B3GALT1: variants seen among roughly 807,000 people sequenced by gnomAD.
B3GALT1 encodes the protein beta-1,3-galactosyltransferase 1.
A neutral mutation model predicts 23.2 loss-of-function variants in B3GALT1; 10 were observed. That is an observed-to-expected ratio of 0.43 (90% confidence interval 0.27 to 0.73). The LOEUF is 0.73. B3GALT1 is among the 30% of genes least tolerant of loss of function. The probability of loss-of-function intolerance (pLI) is 0.21; values close to 1 mark genes in which losing one functional copy is unlikely to be tolerated. For synonymous variants in B3GALT1, 156 were observed against 141.5 expected, an observed-to-expected ratio of 1.10 and a Z score of -0.73; for missense variants, 299 against 405.4, an observed-to-expected ratio of 0.74 and a Z score of 2.25.
intron 3 of B3GALT1, among the ~76,000 whole-genome samples, chr2:167,671,396 A>G (rs1252623519): frequency 6.6e-6 from 1 of 152,206 alleles, no homozygotes; most frequent in Non-Finnish European, 1.5e-5. Flanking sequence ...TCTCCTGTTT[A>G]GATCATATGT....
At chr2:167,548,691 T>TGTGTGTGTGTGTGTGTGAGA (rs1553466254) in intron 2 of B3GALT1, among the ~76,000 whole-genome samples, 6 of 134,698 alleles carry the variant, frequency 4.5e-5, no homozygotes, top group African/African-American at 2.2e-4. Flanking sequence ...TGTGAGTGTG[T>TGTGTGTGTGTGTGTGTGAGA]GTGTGTGTGT....
At chr2:167,799,083 T>C (rs765196877) in intron 3 of B3GALT1, among the ~76,000 whole-genome samples, 5 of 152,214 alleles carry the variant, frequency 3.3e-5, no homozygotes, top group African/African-American at 4.8e-5. Flanking sequence ...GTGATTTCAG[T>C]GAGTACCCTC....
At chr2:167,826,095 A>C (rs7558093) in intron 4 of B3GALT1, among the ~76,000 whole-genome samples, 5,402 of 152,184 alleles carry the variant, frequency 0.035, 324 homozygotes, top group African/African-American at 0.12. Context: ...TTCAGCTGAG[A>C]AGAGTAGCAG....
At chr2:167,828,342 A>G (rs902540604) in intron 4 of B3GALT1, among the ~76,000 whole-genome samples, 1 of 152,220 alleles carries the variant, frequency 6.6e-6, no homozygotes, top group Non-Finnish European at 1.5e-5. Flanking sequence ...CTCGAGTGAA[A>G]TAAGTCTAAC....
At chr2:167,359,949 GA>G (rs1231189480) in intron 1 of B3GALT1, among the ~76,000 whole-genome samples, 1 of 152,046 alleles carries the variant, frequency 6.6e-6, no homozygotes, top group Non-Finnish European at 1.5e-5. Flanking sequence ...GTACTGTGAT[GA>G]AAAACACTCA....
At chr2:167,373,281 C>T (rs567170928) in intron 1 of B3GALT1, among the ~76,000 whole-genome samples, 154 of 152,018 alleles carry the variant, frequency 1.0e-3, no homozygotes, top group African/African-American at 3.5e-3. Context: ...TAGATGAACA[C>T]ATATAAATAT....
intron 3 of B3GALT1, among the ~76,000 whole-genome samples, chr2:167,681,942 A>G (rs753179503): frequency 1.1e-4 from 17 of 152,244 alleles, no homozygotes; most frequent in Non-Finnish European, 1.9e-4. Flanking sequence ...AAGTGATGTC[A>G]TTAAGGCAAA....
intron 4 of B3GALT1, among the ~76,000 whole-genome samples, chr2:167,831,174 C>T (rs1202466057): frequency 2.0e-5 from 3 of 152,152 alleles, no homozygotes; most frequent in South Asian, 2.1e-4. Context: ...AACTGCTGTC[C>T]CTCTCCTGTC....
At chr2:167,594,640 C>T (rs1431827380) in intron 2 of B3GALT1, among the ~76,000 whole-genome samples, 1 of 152,132 alleles carries the variant, frequency 6.6e-6, no homozygotes, top group Non-Finnish European at 1.5e-5. Flanking sequence ...GGGCCTGGCA[C>T]GGTGGCTCAC....
intron 1 of B3GALT1, among the ~76,000 whole-genome samples, chr2:167,303,275 T>C (rs1455506372): frequency 6.6e-6 from 1 of 152,136 alleles, no homozygotes; most frequent in Non-Finnish European, 1.5e-5. Flanking sequence ...TAATATATTA[T>C]ACAACTGGTT....
intron 3 of B3GALT1, among the ~76,000 whole-genome samples, chr2:167,752,945 G>C (rs1365825121): frequency 6.6e-6 from 1 of 152,158 alleles, no homozygotes; most frequent in African/African-American, 2.4e-5. Flanking sequence ...GTTCCTTCAG[G>C]AACAAGGATA....
At chr2:167,430,438 T>C (rs1256686355) in intron 1 of B3GALT1, among the ~76,000 whole-genome samples, 1 of 152,144 alleles carries the variant, frequency 6.6e-6, no homozygotes, top group African/African-American at 2.4e-5. Context: ...ATACGTTAAT[T>C]TTTCAGTTGA....
At chr2:167,577,787 A>G (rs77170688) in intron 2 of B3GALT1, among the ~76,000 whole-genome samples, 1,558 of 152,022 alleles carry the variant, frequency 0.01, 22 homozygotes, top group African/African-American at 0.036. Context: ...ATCAAATAGC[A>G]TAGAAATATT....
intron 1 of B3GALT1, among the ~76,000 whole-genome samples, chr2:167,346,746 G>GT (rs113525892): frequency 0.84 from 125,207 of 148,962 alleles, 52,723 homozygotes; most frequent in Middle Eastern, 0.92. Context: ...GTGTGTGTGT[G>GT]GGGGGGGGGT....
chr2:167,416,235 G>T (rs1215766032), intron 1 of B3GALT1, among the ~76,000 whole-genome samples: 1 of 152,166 alleles, frequency 6.6e-6, no homozygotes, highest in Admixed American at 6.5e-5. Context: ...GACAGACTCA[G>T]GCCTGCTGCC....
chr2:167,308,268 C>G (rs1270770372), intron 1 of B3GALT1, among the ~76,000 whole-genome samples: 1 of 151,854 alleles, frequency 6.6e-6, no homozygotes, highest in Non-Finnish European at 1.5e-5. Flanking sequence ...GAATTTAATA[C>G]CAGAACCTCA....
chr2:167,559,943 A>T (rs997482599), intron 2 of B3GALT1, among the ~76,000 whole-genome samples: 1 of 152,154 alleles, frequency 6.6e-6, no homozygotes, highest in Non-Finnish European at 1.5e-5. Flanking sequence ...CAGATTCAGG[A>T]AATACAGAGA....
At chr2:167,637,769 CCTGGCTTATTTCAGTTAG>C (rs1369619345) in intron 2 of B3GALT1, among the ~76,000 whole-genome samples, 11 of 151,914 alleles carry the variant, frequency 7.2e-5, no homozygotes, top group African/African-American at 2.7e-4. Context: ...TCTTTTTGGG[CCTGGCTTATTTCAGTTAG>C]TATAATGACA....
At chr2:167,462,209 T>C (rs1194511246) in intron 1 of B3GALT1, among the ~76,000 whole-genome samples, 1 of 152,182 alleles carries the variant, frequency 6.6e-6, no homozygotes, top group Non-Finnish European at 1.5e-5. Context: ...TTTAATATAA[T>C]TAATTTAGAA....
Sources: allele counts gnomAD v4.1 joint callset (sites outside exome capture counted in the v4.1 genomes callset), GRCh38; gene constraint gnomAD v4.1.1; transcripts MANE v1.5; gene names NCBI Gene and HGNC (gene_info 2026-07-23, HGNC 2026-07-21).